Variants in MACROD2 observed in about 807,000 individuals in gnomAD.
MACROD2 encodes the protein mono-ADP ribosylhydrolase 2.
In MACROD2, 36 loss-of-function variants were observed where a neutral mutation model predicts 70.4. The ratio of observed to expected loss-of-function variants is 0.51; its 90% CI spans 0.39 to 0.68. MACROD2 has a LOEUF of 0.68. Ranked by LOEUF, MACROD2 falls within the 30% of genes least tolerant of loss-of-function variation. MACROD2 has a pLI of 0.00. For missense variants in MACROD2, 496 were observed against 538.4 expected, an observed-to-expected ratio of 0.92 and a Z score of 0.78; for synonymous variants, 172 against 178.8, an observed-to-expected ratio of 0.96 and a Z score of 0.30.
intron 5 of MACROD2, among the ~76,000 whole-genome samples, chr20:14,888,837 T>C (rs1384426525): frequency 6.6e-6 from 1 of 152,138 alleles, no homozygotes; most frequent in Non-Finnish European, 1.5e-5. Flanking sequence ...GATATCTCCT[T>C]TGGTAGCATG....
Position 14,738,614 on chromosome 20 carries a change from C to T in MACROD2, c.418+53655C>T, listed in dbSNP as rs561765781. 6.6e-5 allele frequency among the ~76,000 whole-genome samples: 10 copies of T among 152,030 alleles called. 1 individual carries two copies. In the South Asian group the frequency reaches 1.7e-3, roughly 25 times the overall value. ...GACACATTTTGAATGAGCAAATGCA[C>T]GCATACATGAATAAATGAATTTACC... On this transcript the variant is annotated intron_variant, in intron 5 of 17. Coordinates refer to ENST00000684519, the MANE Select transcript of MACROD2 (RefSeq NM_001351661.2).
At chr20:15,319,039 AT>A (rs2077844922) in intron 6 of MACROD2, among the ~76,000 whole-genome samples, 1 of 152,180 alleles carries the variant, frequency 6.6e-6, no homozygotes, top group Admixed American at 6.5e-5. Flanking sequence ...GGCAGATAAC[AT>A]GATTCTCTAT....
rs1325630308 is a variant in MACROD2, at chr20:14,026,937, G to A, written c.163+24533G>A. Among the ~76,000 whole-genome samples the A allele has an allele frequency of 7.9e-5, 12 of 151,990 alleles. No homozygotes were observed. The East Asian group carries it at 1.4e-3, about 17-fold the overall frequency. On this transcript the variant is annotated intron_variant, in intron 2 of 17. Transcript: ENST00000684519. ...ACAGCAGTGGATCTCCCAGCACAGCGCTCACGCTCTGCTAAGGGACAGACT... is the reference window on the plus strand; with the variant it reads ...ACAGCAGTGGATCTCCCAGCACAGCACTCACGCTCTGCTAAGGGACAGACT...
chr20:15,517,456 C>T (rs1435745009), intron 8 of MACROD2, among the ~76,000 whole-genome samples: 1 of 152,170 alleles, frequency 6.6e-6, no homozygotes, highest in Admixed American at 6.5e-5. Context: ...ACTGGAAAAG[C>T]GTATATGTAT....
At position 16,008,320 on chromosome 20, in the gene MACROD2, C is replaced by G. The variant is rs1237530942; in HGVS notation, c.1153+21162C>G. Among the ~76,000 whole-genome samples, 3 of 152,220 alleles carry G rather than the reference C, an allele frequency of 2.0e-5. No individual in the cohort carries two copies. The East Asian group carries it at 5.8e-4, about 29-fold the overall frequency. ...CATCATTTGACTATGTACTTCTAAG[C>G]AAGTCAGATTTGCCAACTTCTCTCT... On this transcript the variant is annotated intron_variant, in intron 15 of 17. Coordinates refer to ENST00000684519, the MANE Select transcript of MACROD2 (RefSeq NM_001351661.2).
intron 3 of MACROD2, among the ~76,000 whole-genome samples, chr20:14,290,800 C>T (rs375786073): frequency 4.6e-5 from 7 of 152,342 alleles, no homozygotes; most frequent in African/African-American, 9.6e-5. Context: ...TGAGCCACTG[C>T]GCCCAGCTGG....
At chr20:15,503,636 C>A (rs2047391036) in intron 8 of MACROD2, among the ~76,000 whole-genome samples, 1 of 152,162 alleles carries the variant, frequency 6.6e-6, no homozygotes, top group South Asian at 2.1e-4. Context: ...CATTCTCTCC[C>A]ACTCCATCTC....
chr20:14,702,591 ATATATGTGTG>A (rs770083941), intron 5 of MACROD2, among the ~76,000 whole-genome samples: 45,390 of 63,154 alleles, frequency 0.72, 13,964 homozygotes, highest in Middle Eastern at 0.73. Flanking sequence ...ATATATGTAT[ATATATGTGTG>A]TATATATATG....
intron 5 of MACROD2, among the ~76,000 whole-genome samples, chr20:15,034,833 G>A (rs2075301429): frequency 6.6e-6 from 1 of 152,126 alleles, no homozygotes; most frequent in South Asian, 2.1e-4. Context: ...TGAAAACAAT[G>A]CTCTGTCGTC....
chr20:15,924,188 T>C (rs2065454630), intron 10 of MACROD2, among the ~76,000 whole-genome samples: 1 of 152,250 alleles, frequency 6.6e-6, no homozygotes, highest in South Asian at 2.1e-4. Context: ...GAAACAAGTA[T>C]TTTAAAGGAA....
chr20:15,576,669 G>T (rs1227372999), intron 8 of MACROD2, among the ~76,000 whole-genome samples: 1 of 151,908 alleles, frequency 6.6e-6, no homozygotes, highest in African/African-American at 2.4e-5. Context: ...TCCCAAGATA[G>T]AGTGGAAAAG....
chr20:15,038,673 A>T (rs2075332578), intron 5 of MACROD2, among the ~76,000 whole-genome samples: 1 of 152,158 alleles, frequency 6.6e-6, no homozygotes, highest in African/African-American at 2.4e-5. Context: ...TTAAGGGGTG[A>T]CGTTCAATGT....
intron 8 of MACROD2, among the ~76,000 whole-genome samples, chr20:15,607,126 G>A (rs1201486748): frequency 6.6e-6 from 1 of 152,060 alleles, no homozygotes; most frequent in African/African-American, 2.4e-5. Context: ...GATCAGCCTA[G>A]GCAACATAGC....
At chr20:15,730,683 C>T (rs761123485) in intron 8 of MACROD2, among the ~76,000 whole-genome samples, 7 of 151,536 alleles carry the variant, frequency 4.6e-5, no homozygotes, top group African/African-American at 7.3e-5. Context: ...TCTCTCGTAC[C>T]GTATCTTGCA....
At chr20:15,324,797 T>A (rs1403797269) in intron 6 of MACROD2, among the ~76,000 whole-genome samples, 1 of 152,120 alleles carries the variant, frequency 6.6e-6, no homozygotes, top group East Asian at 1.9e-4. Context: ...TTTAGCACAA[T>A]TAAAGAACCT....
chr20:15,797,848 G>C (rs946698854), intron 8 of MACROD2, among the ~76,000 whole-genome samples: 7 of 152,140 alleles, frequency 4.6e-5, no homozygotes, highest in African/African-American at 1.4e-4. Flanking sequence ...TCTGGACTAG[G>C]GCTCAACAAT....
At chr20:14,654,486 C>T (rs1006719288) in intron 4 of MACROD2, among the ~76,000 whole-genome samples, 1 of 148,148 alleles carries the variant, frequency 6.8e-6, no homozygotes, top group African/African-American at 2.5e-5. Flanking sequence ...GTGGAGGTTG[C>T]AGTGAGCCAA....
intron 8 of MACROD2, among the ~76,000 whole-genome samples, chr20:15,759,819 G>T (rs1317016017): frequency 6.6e-6 from 1 of 152,156 alleles, no homozygotes; most frequent in Non-Finnish European, 1.5e-5. Context: ...AGCAGTTTAG[G>T]CCAGAAGGGA....
chr20:14,445,418 T>C (rs535076638), intron 3 of MACROD2, among the ~76,000 whole-genome samples: 2 of 152,250 alleles, frequency 1.3e-5, no homozygotes, highest in Admixed American at 6.5e-5. Context: ...TATCAGTCTT[T>C]ACCAGAAGTC....
Sources: allele counts gnomAD v4.1 joint callset (sites outside exome capture counted in the v4.1 genomes callset), GRCh38; gene constraint gnomAD v4.1.1; transcripts MANE v1.5; gene names NCBI Gene and HGNC (gene_info 2026-07-23, HGNC 2026-07-21).